The following ARHGAP31 variants were observed in gnomAD, a reference collection of about 807,000 sequenced individuals.
The protein encoded by ARHGAP31 is rho GTPase-activating protein 31.
ARHGAP31 carries 34 observed loss-of-function variants against 113.9 expected under a neutral mutation model. That is an observed-to-expected ratio of 0.30 (90% confidence interval 0.23 to 0.40). The LOEUF is 0.40. Ranked by LOEUF, ARHGAP31 falls within the 10% of genes least tolerant of loss-of-function variation. ARHGAP31 has a pLI of 1.00. For missense variants in ARHGAP31, 1,548 were observed against 1,767.1 expected, an observed-to-expected ratio of 0.88 and a Z score of 2.22; for synonymous variants, 650 against 684.8, an observed-to-expected ratio of 0.95 and a Z score of 0.79.
In ARHGAP31 at chr3:119,313,293, T is replaced by C. The variant is rs546901782; in HGVS notation, c.100+18289T>C. Among the ~76,000 whole-genome samples, 17 of 152,372 alleles carry C rather than the reference T, an allele frequency of 1.1e-4. No homozygotes were observed. In the East Asian group the frequency reaches 3.1e-3, roughly 28 times the overall value. Reference sequence around the variant, plus strand: ...TCCTTCCAAAGATATTTTGTGTATATACAAGCAAATATACATATGTTTTAT... The same window carrying C: ...TCCTTCCAAAGATATTTTGTGTATACACAAGCAAATATACATATGTTTTAT... On this transcript the variant is annotated intron_variant, in intron 1 of 11. Transcript: ENST00000264245.
chr3:119,345,645 G>A (rs2080049866), intron 1 of ARHGAP31, among the ~76,000 whole-genome samples: 1 of 152,080 alleles, frequency 6.6e-6, no homozygotes, highest in Non-Finnish European at 1.5e-5. Context: ...GCATAGCGTG[G>A]GTGCCAAAAA....
intron 9 of ARHGAP31, among the ~76,000 whole-genome samples, chr3:119,401,150 G>A (rs1367435631): frequency 1.4e-5 from 2 of 142,782 alleles, no homozygotes; most frequent in Admixed American, 7.3e-5. Context: ...CAGCCTGGGC[G>A]ACAGAGCTGT....
intron 1 of ARHGAP31, among the ~76,000 whole-genome samples, chr3:119,359,621 G>C (rs776258204): frequency 3.9e-5 from 6 of 152,088 alleles, no homozygotes; most frequent in Non-Finnish European, 8.8e-5. Flanking sequence ...TCCAGGCAGG[G>C]AGAGCCTCGC....
rs141938936 is a variant in ARHGAP31 at position 119,364,914 on chromosome 3, G to A, written c.101-402G>A. 6.5e-3 allele frequency among the ~76,000 whole-genome samples: 995 copies of A among 152,204 alleles called. 12 individuals are homozygous for A. The highest frequency in any genetic ancestry group is 0.022 in the African/African-American group (933 of 41,520). Reference sequence around the variant, plus strand: ...TGGAGACCAGCCTGGTCAACATGGCGAAACCCAGTTCTCTAATAAAAACAC... The same window carrying A: ...TGGAGACCAGCCTGGTCAACATGGCAAAACCCAGTTCTCTAATAAAAACAC... On this transcript the variant is annotated intron_variant, in intron 1 of 11. Coordinates refer to ENST00000264245, the MANE Select transcript of ARHGAP31 (RefSeq NM_020754.4).
intron 1 of ARHGAP31, among the ~76,000 whole-genome samples, chr3:119,323,232 C>T (rs2107603500): frequency 6.6e-6 from 1 of 152,226 alleles, no homozygotes; most frequent in East Asian, 1.9e-4. Context: ...AGTCACTTGG[C>T]GCCCGCCCGC....
chr3:119,361,757 T>G (rs2080209242), intron 1 of ARHGAP31, among the ~76,000 whole-genome samples: 1 of 152,204 alleles, frequency 6.6e-6, no homozygotes, highest in African/African-American at 2.4e-5. Context: ...GACCACAGTC[T>G]GAGAACCGCT....
chr3:119,332,635 TCACACACACACACACACACA>T (rs71156743), intron 1 of ARHGAP31, among the ~76,000 whole-genome samples: 1 of 85,664 alleles, frequency 1.2e-5, no homozygotes, highest in Non-Finnish European at 2.1e-5. Flanking sequence ...TCTCTCTCTC[TCACACACACACACACACACA>T]CACACACACA....
At chr3:119,406,550 TC>T (rs775060806) in intron 10 of ARHGAP31, among the ~76,000 whole-genome samples, 7 of 152,144 alleles carry the variant, frequency 4.6e-5, no homozygotes, top group Non-Finnish European at 8.8e-5. Flanking sequence ...ACAGTGAAGT[TC>T]TATAGAGTCC....
chr3:119,415,646 C>A lies in ARHGAP31; in HGVS notation c.3717C>A (p.Thr1239=). Residue 1239 remains threonine (T), a synonymous_variant, in exon 12 of 12, where the codon ACC becomes ACA. Coordinates refer to ENST00000264245, the MANE Select transcript of ARHGAP31 (RefSeq NM_020754.4). ...LERSQEGPSS[T]SGTTQKPAKD... The stretch of plus-strand genomic sequence containing the variant: ...GGAGCCAGGAGGGACCCAGCTCAAC[C>A]AGTGGGACCACTCAGAAACCTGCCA... 1 of 1,614,168 alleles carries A rather than the reference C, an allele frequency of 6.2e-7. No individual in the cohort carries two copies. The highest frequency in any genetic ancestry group is 8.5e-7 in the Non-Finnish European group (1 of 1,180,032).
chr3:119,315,014 T>A (rs990896157), intron 1 of ARHGAP31, among the ~76,000 whole-genome samples: 23 of 152,058 alleles, frequency 1.5e-4, no homozygotes, highest in Admixed American at 1.4e-3. Flanking sequence ...CCCTTGTGCC[T>A]CCCCCAAGCC....
In ARHGAP31 at chr3:119,416,396, G is replaced by A. The variant is rs2080779828; in HGVS notation, c.*132G>A. 2.3e-6 allele frequency: 3 copies of A among 1,303,702 alleles called. No homozygotes were observed. The Admixed American group carries it at 5.5e-5, about 24-fold the overall frequency. 80.8% of individuals were successfully genotyped at this position (1,303,702 alleles called of 1,614,324 possible). A position where few individuals can be genotyped will look rare whatever the true frequency, so the allele number is the denominator to read the frequency against. On this transcript the variant is annotated 3_prime_UTR_variant, in exon 12 of 12. Transcript: ENST00000264245. ...GTGGCCTCTGACTTCTCTTTCTTCA[G>A]CCTTTTGACCACTTATTAATTAGTC... is the stretch of plus-strand genomic sequence containing the variant.
chr3:119,394,176 G>C (rs1249371032), intron 8 of ARHGAP31, among the ~76,000 whole-genome samples: 1 of 152,192 alleles, frequency 6.6e-6, no homozygotes, highest in African/African-American at 2.4e-5. Flanking sequence ...TATATTAGGA[G>C]GTACATGATG....
At chr3:119,385,879 C>T (rs1292603004) in intron 6 of ARHGAP31, among the ~76,000 whole-genome samples, 1 of 152,240 alleles carries the variant, frequency 6.6e-6, no homozygotes, top group Non-Finnish European at 1.5e-5. Context: ...ATAACTAAAT[C>T]ATTGTGGAGA....
chr3:119,298,620 T>C (rs1434143367), intron 1 of ARHGAP31: 4 of 152,230 alleles, frequency 2.6e-5, no homozygotes, highest in Non-Finnish European at 5.9e-5. Context: ...CAATCTTTGT[T>C]TATTTTACCC....
At chr3:119,359,347 T>G (rs1272398995) in intron 1 of ARHGAP31, among the ~76,000 whole-genome samples, 3 of 151,904 alleles carry the variant, frequency 2.0e-5, no homozygotes, top group Admixed American at 2.0e-4. Context: ...AAAGAAAAAA[T>G]AAAATGCTTA....
chr3:119,391,069 T>C (rs564724495), intron 7 of ARHGAP31, 86 bp downstream of exon 7: 16 of 1,452,056 alleles, frequency 1.1e-5, no homozygotes, highest in Admixed American at 3.4e-5. Flanking sequence ...AGGACCAAGA[T>C]GGCAGTGTGG....
At chr3:119,367,856 C>CAAAAAAAA (rs1398233400) in intron 2 of ARHGAP31, among the ~76,000 whole-genome samples, 3 of 111,356 alleles carry the variant, frequency 2.7e-5, no homozygotes, top group East Asian at 2.6e-4. Flanking sequence ...GACTCCATCT[C>CAAAAAAAA]AAAAAAAAGA....
chr3:119,323,481 T>G (rs1266640317), intron 1 of ARHGAP31, among the ~76,000 whole-genome samples: 3 of 152,154 alleles, frequency 2.0e-5, no homozygotes, highest in Non-Finnish European at 2.9e-5. Flanking sequence ...CTTTCCTTTT[T>G]TCTTTTGTTT....
chr3:119,329,121 AGTCT>A, intron 1 of ARHGAP31, among the ~76,000 whole-genome samples: 1 of 152,344 alleles, frequency 6.6e-6, no homozygotes, highest in African/African-American at 2.4e-5. Flanking sequence ...ATGGCAAGCC[AGTCT>A]GTCTGAGAAT....
Sources: allele counts gnomAD v4.1 joint callset (sites outside exome capture counted in the v4.1 genomes callset), GRCh38; gene constraint gnomAD v4.1.1; transcripts MANE v1.5; gene names NCBI Gene and HGNC (gene_info 2026-07-23, HGNC 2026-07-21).